The following NFKB1 variants were observed in gnomAD, a reference collection of about 807,000 sequenced individuals.
NFKB1 encodes the protein nuclear factor NF-kappa-B p105 subunit.
Under a neutral mutation model 105.1 loss-of-function variants are expected in NFKB1, and 9 were observed. That is an observed-to-expected ratio of 0.09 (90% CI 0.05 to 0.15). The LOEUF is 0.15. Ranked by LOEUF, NFKB1 falls within the 10% of genes least tolerant of loss-of-function variation. The pLI is 1.00. For missense variants in NFKB1, 830 were observed against 1,203.7 expected, an observed-to-expected ratio of 0.69 and a Z score of 4.59; for synonymous variants, 440 against 442.2, an observed-to-expected ratio of 1.00 and a Z score of 0.06.
intron 14 of NFKB1, 33 bp from the exon 15 acceptor site, chr4:102,597,487 C>T (rs763511708): frequency 6.3e-7 from 1 of 1,577,426 alleles, no homozygotes; most frequent in South Asian, 1.2e-5. Context: ...AAAGTAGGAA[C>T]ACTCAACTAT....
chr4:102,566,915 C>A, intron 5 of NFKB1, 72 bp from the exon 6 acceptor site: 1 of 1,509,738 alleles, frequency 6.6e-7, no homozygotes, highest in Non-Finnish European at 9.2e-7. Context: ...TACTTACTGG[C>A]TTATCATAAA....
At chr4:102,571,791 A>G (rs1470630460) in intron 6 of NFKB1, among the ~76,000 whole-genome samples, 3 of 152,228 alleles carry the variant, frequency 2.0e-5, no homozygotes, top group African/African-American at 7.2e-5. Context: ...ATGAGATACC[A>G]TCTCACACCA....
At chr4:102,580,080 C>T (rs373421206) in intron 8 of NFKB1, among the ~76,000 whole-genome samples, 264 of 152,242 alleles carry the variant, frequency 1.7e-3, no homozygotes, top group African/African-American at 5.9e-3. Flanking sequence ...CCCCATTTTC[C>T]TTACCTGTAA....
chr4:102,573,969 A>C (rs1724597108), intron 6 of NFKB1, among the ~76,000 whole-genome samples: 1 of 151,816 alleles, frequency 6.6e-6, no homozygotes, highest in South Asian at 2.1e-4. Flanking sequence ...TATAATAGCT[A>C]TTCAATGTAC....
chr4:102,605,507 A>C (rs1314934252), intron 16 of NFKB1, among the ~76,000 whole-genome samples: 1 of 152,200 alleles, frequency 6.6e-6, no homozygotes, highest in African/African-American at 2.4e-5. Flanking sequence ...TGTGAAATAA[A>C]CTGATTTGTA....
chr4:102,575,844 T>C (rs1724776925), intron 6 of NFKB1, among the ~76,000 whole-genome samples: 1 of 152,250 alleles, frequency 6.6e-6, no homozygotes, highest in African/African-American at 2.4e-5. Context: ...CTTCTTTGTT[T>C]CTTCTCCGTT....
At chr4:102,607,608 G>T in intron 18 of NFKB1, 41 bp from the exon 19 acceptor site, 1 of 1,598,014 alleles carries the variant, frequency 6.3e-7, no homozygotes, top group Non-Finnish European at 8.6e-7. Flanking sequence ...AAGGGCAAAA[G>T]AACCTTCCAC....
intron 20 of NFKB1, among the ~76,000 whole-genome samples, chr4:102,611,057 G>A (rs1164371811): frequency 6.6e-6 from 1 of 152,076 alleles, no homozygotes. Flanking sequence ...TTAGGACTTA[G>A]GTAAGTGATT....
chr4:102,537,261 A>G (rs7679591), intron 4 of NFKB1, among the ~76,000 whole-genome samples: 3,861 of 152,278 alleles, frequency 0.025, 92 homozygotes, highest in African/African-American at 0.067. Context: ...TTAATATTCA[A>G]TCTTGAGCTT....
chr4:102,554,489 T>G (rs1398213951), intron 5 of NFKB1, among the ~76,000 whole-genome samples: 2 of 152,154 alleles, frequency 1.3e-5, no homozygotes, highest in Non-Finnish European at 1.5e-5. Flanking sequence ...TTATTCAGAC[T>G]CTCTATAAAC....
At chr4:102,522,097 C>A (rs2149109531) in intron 1 of NFKB1, among the ~76,000 whole-genome samples, 1 of 152,240 alleles carries the variant, frequency 6.6e-6, no homozygotes, top group South Asian at 2.1e-4. Context: ...AGGGGAAGGG[C>A]TGGGGGAACA....
chr4:102,556,423 G>A (rs147274725), intron 5 of NFKB1, among the ~76,000 whole-genome samples: 3 of 152,258 alleles, frequency 2.0e-5, no homozygotes, highest in South Asian at 2.1e-4. Context: ...ACTGAGCATC[G>A]ATCTCTGCTG....
chr4:102,558,513 T>C (rs941560570), intron 5 of NFKB1, among the ~76,000 whole-genome samples: 2 of 152,196 alleles, frequency 1.3e-5, no homozygotes, highest in African/African-American at 2.4e-5. Context: ...ATTTTAGTAA[T>C]TGCCTTCCAT....
chr4:102,513,023 G>A (rs988378955), intron 1 of NFKB1, among the ~76,000 whole-genome samples: 1 of 152,166 alleles, frequency 6.6e-6, no homozygotes, highest in Non-Finnish European at 1.5e-5. Flanking sequence ...TTCTTCCTCA[G>A]TCTGAAAATA....
intron 1 of NFKB1, among the ~76,000 whole-genome samples, chr4:102,524,431 C>T (rs1339123067): frequency 4.6e-5 from 7 of 152,102 alleles, no homozygotes; most frequent in Non-Finnish European, 8.8e-5. Flanking sequence ...ACAGCAGAAA[C>T]ATGGCTTGCT....
chr4:102,524,008 T>A (rs910912941), intron 1 of NFKB1, among the ~76,000 whole-genome samples: 2 of 151,840 alleles, frequency 1.3e-5, no homozygotes, highest in Non-Finnish European at 2.9e-5. Flanking sequence ...TAAGTACTCA[T>A]GACTGCTAGA....
In NFKB1 at chr4:102,561,649, G is replaced by A. The variant is rs963360294; in HGVS notation, c.259-5338G>A. ...ACCCAAGCTCAAGGATTGCCTGATC[G>A]CTCCATTTATAGGAACCATGGCAAC... On this transcript the variant is annotated intron_variant, in intron 5 of 23. Coordinates refer to ENST00000226574, the MANE Select transcript of NFKB1 (RefSeq NM_003998.4). 6.6e-5 allele frequency among the ~76,000 whole-genome samples: 10 copies of A among 152,100 alleles called. No individual in the cohort carries two copies. The East Asian group carries it at 1.3e-3, about 20-fold the overall frequency.
chr4:102,559,839 T>C (rs530998413), intron 5 of NFKB1, among the ~76,000 whole-genome samples: 1 of 151,204 alleles, frequency 6.6e-6, no homozygotes, highest in Non-Finnish European at 1.5e-5. Flanking sequence ...CCTAGGAGGC[T>C]GAGGCAGGAA....
At chr4:102,557,873 G>A (rs915354003) in intron 5 of NFKB1, among the ~76,000 whole-genome samples, 2 of 152,198 alleles carry the variant, frequency 1.3e-5, no homozygotes, top group Non-Finnish European at 2.9e-5. Context: ...ACCTCTTAGT[G>A]GTTAGATTCC....
Sources: allele counts gnomAD v4.1 joint callset (sites outside exome capture counted in the v4.1 genomes callset), GRCh38; gene constraint gnomAD v4.1.1; transcripts MANE v1.5; gene names NCBI Gene and HGNC (gene_info 2026-07-23, HGNC 2026-07-21).